Variants in BRINP3 observed in about 807,000 individuals in gnomAD.
BRINP3 encodes BMP/retinoic acid inducible neural specific 3, also known as BMP/retinoic acid-inducible neural-specific protein 3.
A neutral mutation model predicts 71.0 loss-of-function variants in BRINP3; 19 were observed. That is an observed-to-expected ratio of 0.27 (90% CI 0.19 to 0.39). The LOEUF (loss-of-function observed/expected upper bound fraction) is 0.39, where lower values mean the gene tolerates loss of function less well. Ranked by LOEUF, BRINP3 falls within the 10% of genes least tolerant of loss-of-function variation. BRINP3 has a pLI of 1.00. For missense variants in BRINP3, 959 were observed against 940.8 expected, an observed-to-expected ratio of 1.02 and a Z score of -0.25; for synonymous variants, 380 against 337.7, an observed-to-expected ratio of 1.13 and a Z score of -1.37.
chr1:190,368,702 G>T (rs1669665321), intron 2 of BRINP3, among the ~76,000 whole-genome samples: 1 of 152,114 alleles, frequency 6.6e-6, no homozygotes, highest in Non-Finnish European at 1.5e-5. Context: ...CAAGATAAGG[G>T]TAATCACCCC....
At chr1:190,455,756 A>T (rs1675941169) in intron 1 of BRINP3, among the ~76,000 whole-genome samples, 1 of 152,208 alleles carries the variant, frequency 6.6e-6, no homozygotes, top group African/African-American at 2.4e-5. Flanking sequence ...TATGCACATA[A>T]ATTAAGCTAA....
At chr1:190,400,655 A>G (rs779457792) in intron 2 of BRINP3, among the ~76,000 whole-genome samples, 1 of 152,194 alleles carries the variant, frequency 6.6e-6, no homozygotes, top group African/African-American at 2.4e-5. Context: ...TTTGTCACCT[A>G]TAAGCACCAT....
chr1:190,147,096 A>G (rs948484047), intron 7 of BRINP3, among the ~76,000 whole-genome samples: 4 of 151,808 alleles, frequency 2.6e-5, no homozygotes, highest in Non-Finnish European at 5.9e-5. Flanking sequence ...ATTCATTTTT[A>G]TTTATTCTGT....
intron 7 of BRINP3, among the ~76,000 whole-genome samples, chr1:190,123,332 T>C (rs1339701960): frequency 6.6e-6 from 1 of 152,102 alleles, no homozygotes; most frequent in African/African-American, 2.4e-5. Flanking sequence ...CTTATACTGC[T>C]TGCTTTGTCA....
chr1:190,438,048 C>G (rs1486930918), intron 2 of BRINP3, among the ~76,000 whole-genome samples: 2 of 151,152 alleles, frequency 1.3e-5, no homozygotes, highest in Admixed American at 1.3e-4. Context: ...AAAATCAAAA[C>G]TGTAAAATGA....
chr1:190,241,326 G>C (rs1484891973), intron 4 of BRINP3, among the ~76,000 whole-genome samples: 1 of 152,000 alleles, frequency 6.6e-6, no homozygotes, highest in Non-Finnish European at 1.5e-5. Context: ...AGGATCATTT[G>C]TATGAAATGA....
intron 2 of BRINP3, among the ~76,000 whole-genome samples, chr1:190,289,823 T>A (rs1424725000): frequency 6.6e-6 from 1 of 152,034 alleles, no homozygotes; most frequent in Non-Finnish European, 1.5e-5. Flanking sequence ...TCCAATTAAT[T>A]CAGGTCCTCT....
chr1:190,379,225 T>G (rs916626602), intron 2 of BRINP3, among the ~76,000 whole-genome samples: 1 of 152,256 alleles, frequency 6.6e-6, no homozygotes, highest in African/African-American at 2.4e-5. Flanking sequence ...AAAACTACAT[T>G]TTTATTCAGA....
chr1:190,449,230 A>C (rs79672064), intron 2 of BRINP3, among the ~76,000 whole-genome samples: 2,332 of 151,846 alleles, frequency 0.015, 59 homozygotes, highest in African/African-American at 0.053. Context: ...ATTTTATTTT[A>C]TTTGCACTAT....
intron 2 of BRINP3, among the ~76,000 whole-genome samples, chr1:190,327,326 C>CAAAAAAAAAAAAAAAAAAAAAAAAGAAA (rs1666657181): frequency 1.4e-4 from 6 of 44,230 alleles, no homozygotes; most frequent in African/African-American, 2.1e-4. Flanking sequence ...AAAAAAAGAA[C>CAAAAAAAAAAAAAAAAAAAAAAAAGAAA]AAAAAAAAAA....
chr1:190,356,377 G>T (rs2102079816), intron 2 of BRINP3, among the ~76,000 whole-genome samples: 1 of 152,018 alleles, frequency 6.6e-6, no homozygotes, highest in African/African-American at 2.4e-5. Context: ...GTGTTTAACA[G>T]AAATGACTGT....
chr1:190,201,945 C>T (rs939623153), intron 6 of BRINP3, among the ~76,000 whole-genome samples: 2 of 152,002 alleles, frequency 1.3e-5, no homozygotes, highest in Admixed American at 1.3e-4. Flanking sequence ...GGAAATGTGG[C>T]GTCAGAGGAT....
chr1:190,404,517 T>C (rs1672136411), intron 2 of BRINP3, among the ~76,000 whole-genome samples: 2 of 152,140 alleles, frequency 1.3e-5, no homozygotes, highest in African/African-American at 4.8e-5. Flanking sequence ...TGTTTTAATA[T>C]TTTCACAGCA....
At chr1:190,282,340 G>T (rs1323377310) in intron 2 of BRINP3, among the ~76,000 whole-genome samples, 1 of 151,460 alleles carries the variant, frequency 6.6e-6, no homozygotes, top group Non-Finnish European at 1.5e-5. Flanking sequence ...TTTTATGGAT[G>T]AATTTGGCCA....
chr1:190,446,081 A>T (rs973307576), intron 2 of BRINP3, among the ~76,000 whole-genome samples: 2 of 152,090 alleles, frequency 1.3e-5, no homozygotes, highest in South Asian at 2.1e-4. Flanking sequence ...GGCTCTTCTG[A>T]CAGTGGATTA....
intron 4 of BRINP3, among the ~76,000 whole-genome samples, chr1:190,243,557 C>T (rs1315708545): frequency 6.6e-6 from 1 of 152,104 alleles, no homozygotes; most frequent in Admixed American, 6.6e-5. Flanking sequence ...TGTTGTTACT[C>T]TAGCTGGGCT....
intron 2 of BRINP3, among the ~76,000 whole-genome samples, chr1:190,340,456 T>C (rs1272147174): frequency 2.0e-5 from 3 of 151,908 alleles, no homozygotes; most frequent in African/African-American, 4.8e-5. Flanking sequence ...TTCTTATTGA[T>C]TGATTTATCT....
At position 190,309,285 on chromosome 1, in the gene BRINP3, G is replaced by A. The variant is rs58007347; in HGVS notation, c.237-27535C>T. Among the ~76,000 whole-genome samples the A allele has an allele frequency of 7.0e-3, 1,059 of 151,726 alleles. 17 individuals carry two copies. Among genetic ancestry groups the A allele is most frequent in the African/African-American group, 0.024 (994 of 41,432 alleles). On this transcript the variant is annotated intron_variant, in intron 2 of 7. Transcript: ENST00000367462. The stretch of plus-strand genomic sequence containing the variant: ...GAGACAGAGTAGAATGGTAGTTGTC[G>A]GGAGACAGGAGAAGGAGAAATGGAA...
At chr1:190,280,530 G>T (rs1474705776) in intron 3 of BRINP3, among the ~76,000 whole-genome samples, 1 of 151,780 alleles carries the variant, frequency 6.6e-6, no homozygotes, top group Non-Finnish European at 1.5e-5. Flanking sequence ...GTTTGATATG[G>T]GGTATATTCT....
Sources: allele counts gnomAD v4.1 joint callset (sites outside exome capture counted in the v4.1 genomes callset), GRCh38; gene constraint gnomAD v4.1.1; transcripts MANE v1.5; gene names NCBI Gene and HGNC (gene_info 2026-07-23, HGNC 2026-07-21).